CDK14: variants seen among roughly 807,000 people sequenced by gnomAD.
CDK14 encodes the protein cyclin dependent kinase 14.
A neutral mutation model predicts 60.7 loss-of-function variants in CDK14; 34 were observed. The observed-to-expected ratio is 0.56, with a 90% CI of 0.43 to 0.75. The LOEUF (loss-of-function observed/expected upper bound fraction) is 0.75. Ranked by LOEUF, CDK14 falls within the 30% of genes least tolerant of loss-of-function variation. The probability of loss-of-function intolerance (pLI) is 0.00; values close to 1 mark genes in which losing one functional copy is unlikely to be tolerated. For missense variants in CDK14, 482 were observed against 564.1 expected (o/e 0.85, Z 1.47); for synonymous variants, 197 against 203.7 (o/e 0.97, Z 0.28).
intron 6 of CDK14, among the ~76,000 whole-genome samples, chr7:90,868,285 T>C (rs898545068): frequency 5.4e-5 from 8 of 147,536 alleles, no homozygotes; most frequent in African/African-American, 2.0e-4. Context: ...TATGTATATA[T>C]ACACACTATA....
intron 2 of CDK14, among the ~76,000 whole-genome samples, chr7:90,642,039 C>T (rs117172761): frequency 0.014 from 2,204 of 152,294 alleles, 27 homozygotes; most frequent in Non-Finnish European, 0.022. Flanking sequence ...ATTCAGTTAT[C>T]TCCCACTGGC....
chr7:90,608,621 G>C, intron 2 of CDK14: 1 of 754,842 alleles, frequency 1.3e-6, no homozygotes. Context: ...CCTTTGAAAT[G>C]CAAAGAATTT....
intron 4 of CDK14, among the ~76,000 whole-genome samples, chr7:90,761,921 C>T (rs1429219747): frequency 6.6e-6 from 1 of 152,048 alleles, no homozygotes; most frequent in African/African-American, 2.4e-5. Context: ...TTGACAGGTC[C>T]CCTGTTTTTA....
In CDK14 at chr7:90,881,909, G is replaced by A. The variant is rs115910108; in HGVS notation, c.640-17382G>A. On this transcript the variant is annotated intron_variant, in intron 6 of 14. Coordinates refer to ENST00000380050, the MANE Select transcript of CDK14 (RefSeq NM_001287135.2). ...TGCTGAGGGATTCTGTTACCACCAC[G>A]CGTGCCCTGCAAGAGCTCTTAAAAG... Among the ~76,000 whole-genome samples, 1,081 of 152,116 alleles carry A rather than the reference G, an allele frequency of 7.1e-3. 20 individuals carry two copies. Among genetic ancestry groups the A allele is most frequent in the African/African-American group, 0.024 (1,011 of 41,496 alleles).
At chr7:90,799,475 G>T (rs1271013255) in intron 5 of CDK14, among the ~76,000 whole-genome samples, 1 of 151,896 alleles carries the variant, frequency 6.6e-6, no homozygotes, top group Non-Finnish European at 1.5e-5. Flanking sequence ...ATCACCTGAG[G>T]TCAGGAGTTT....
At chr7:90,770,490 G>C (rs572818021) in intron 4 of CDK14, among the ~76,000 whole-genome samples, 2 of 152,074 alleles carry the variant, frequency 1.3e-5, no homozygotes, top group South Asian at 4.1e-4. Flanking sequence ...TTACTTCACT[G>C]GTTCTTAATT....
chr7:90,927,230 A>G (rs1793445321), intron 8 of CDK14, among the ~76,000 whole-genome samples: 1 of 152,088 alleles, frequency 6.6e-6, no homozygotes, highest in South Asian at 2.1e-4. Context: ...CAACCCTGTA[A>G]TCATGCCTTG....
At chr7:90,657,251 C>A (rs1800770792) in intron 2 of CDK14, among the ~76,000 whole-genome samples, 2 of 152,152 alleles carry the variant, frequency 1.3e-5, no homozygotes, top group Non-Finnish European at 2.9e-5. Context: ...CCAAATCATT[C>A]ACTGTGATAA....
At chr7:90,737,759 C>G (rs1236242866) in intron 3 of CDK14, among the ~76,000 whole-genome samples, 2 of 152,168 alleles carry the variant, frequency 1.3e-5, no homozygotes, top group Non-Finnish European at 2.9e-5. Flanking sequence ...AATGGAGTCA[C>G]GTGGTTCTGA....
chr7:90,932,282 A>G (rs1025518802), intron 8 of CDK14, among the ~76,000 whole-genome samples: 14 of 152,218 alleles, frequency 9.2e-5, no homozygotes, highest in African/African-American at 3.4e-4. Flanking sequence ...ACACGGGCAG[A>G]TTGCTTGAGC....
chr7:91,101,721 A>G (rs917822920), intron 12 of CDK14, among the ~76,000 whole-genome samples: 3 of 152,164 alleles, frequency 2.0e-5, no homozygotes, highest in Non-Finnish European at 4.4e-5. Context: ...AGTACACTGC[A>G]CAGGGCTGAA....
intron 10 of CDK14, among the ~76,000 whole-genome samples, chr7:91,019,765 A>G (rs145021607): frequency 1.3e-5 from 2 of 152,302 alleles, no homozygotes; most frequent in African/African-American, 2.4e-5. Flanking sequence ...TAAAGGATTA[A>G]TTATACCTTT....
chr7:90,859,420 T>C (rs1015229836), intron 5 of CDK14, among the ~76,000 whole-genome samples: 1 of 152,214 alleles, frequency 6.6e-6, no homozygotes, highest in Non-Finnish European at 1.5e-5. Flanking sequence ...ACTTTATTTT[T>C]GCCTTCTCTG....
At chr7:90,638,586 T>G (rs539710621) in intron 2 of CDK14, among the ~76,000 whole-genome samples, 85 of 152,304 alleles carry the variant, frequency 5.6e-4, no homozygotes, top group African/African-American at 1.8e-3. Context: ...TTTCAACTTT[T>G]GTGAATCTGA....
chr7:91,033,313 A>G lies in CDK14; in HGVS notation c.1042-12584A>G, dbSNP rs1297730963. Among the ~76,000 whole-genome samples, 3 of 152,152 alleles carry G rather than the reference A, an allele frequency of 2.0e-5. No individual in the cohort carries two copies. In the East Asian group the frequency reaches 5.8e-4, roughly 29 times the overall value. On this transcript the variant is annotated intron_variant, in intron 10 of 14. Coordinates refer to ENST00000380050, the MANE Select transcript of CDK14 (RefSeq NM_001287135.2). ...ATCATCAGTGGTAGCTCCTGACACCACAGAACTTGAAATTGCCCTCAACCC... is the reference window on the plus strand; with the variant it reads ...ATCATCAGTGGTAGCTCCTGACACCGCAGAACTTGAAATTGCCCTCAACCC...
rs1252908071 is a variant in CDK14 at position 91,207,419 on chromosome 7, T to G, written c.*283T>G. ...TACATGGCATGTATTCTTTTCAGTC[T>G]TTTGTGTTTGATTTTGTTTGATTTC... On this transcript the variant is annotated 3_prime_UTR_variant, in exon 15 of 15. Coordinates refer to ENST00000380050, the MANE Select transcript of CDK14 (RefSeq NM_001287135.2). The G allele has an allele frequency of 1.3e-5, 2 of 152,738 alleles. No homozygotes were observed. The highest frequency in any genetic ancestry group is 1.3e-4 in the Admixed American group (2 of 15,312). 9.5% of individuals were successfully genotyped at this position (152,738 alleles called of 1,614,324 possible). A position where few individuals can be genotyped will look rare whatever the true frequency, so the allele number is the denominator to read the frequency against.
chr7:90,809,189 C>A (rs572946143), intron 5 of CDK14, among the ~76,000 whole-genome samples: 3 of 152,292 alleles, frequency 2.0e-5, no homozygotes, highest in African/African-American at 7.2e-5. Context: ...CACCACACCA[C>A]ACCTATTCCA....
chr7:90,684,916 A>T (rs1488073160), intron 2 of CDK14, among the ~76,000 whole-genome samples: 1 of 151,056 alleles, frequency 6.6e-6, no homozygotes, highest in South Asian at 2.1e-4. Flanking sequence ...ATATATATTC[A>T]TATTTTCATA....
intron 1 of CDK14, among the ~76,000 whole-genome samples, chr7:90,602,301 A>G (rs1799333797): frequency 6.6e-6 from 1 of 152,218 alleles, no homozygotes; most frequent in Non-Finnish European, 1.5e-5. Context: ...TCTTTGTTAA[A>G]TGAGCTAGGT....
Sources: gnomAD v4.1 joint callset for allele counts (sites outside exome capture counted in the v4.1 genomes callset) on GRCh38, gnomAD v4.1.1 for gene constraint, MANE v1.5 for transcripts, NCBI Gene and HGNC (gene_info 2026-07-23, HGNC 2026-07-21) for gene names.